Variants in FOXJ3 observed in about 807,000 individuals in gnomAD.
FOXJ3 encodes the protein forkhead box protein J3.
Under a neutral mutation model 76.1 loss-of-function variants are expected in FOXJ3, and 22 were observed. That is an observed-to-expected ratio of 0.29 (90% CI 0.21 to 0.41). The LOEUF (loss-of-function observed/expected upper bound fraction) is 0.41. Ranked by LOEUF, FOXJ3 falls within the 10% of genes least tolerant of loss-of-function variation. The probability of loss-of-function intolerance (pLI) is 1.00; values close to 1 mark genes in which losing one functional copy is unlikely to be tolerated. For missense variants in FOXJ3, 613 were observed against 762.1 expected (o/e 0.80, Z 2.30); for synonymous variants, 269 against 261.2 (o/e 1.03, Z -0.29).
At chr1:42,324,665 G>C (rs1258872835) in intron 1 of FOXJ3, among the ~76,000 whole-genome samples, 4 of 152,082 alleles carry the variant, frequency 2.6e-5, no homozygotes, top group African/African-American at 9.7e-5. Flanking sequence ...CTACAAGCTT[G>C]AATGGCATGT....
chr1:42,210,912 G>A (rs1416735607), intron 5 of FOXJ3, among the ~76,000 whole-genome samples: 1 of 152,142 alleles, frequency 6.6e-6, no homozygotes, highest in Non-Finnish European at 1.5e-5. Context: ...GGCCCTCAGG[G>A]ACTGCTACTC....
At chr1:42,289,535 T>C (rs945225844) in intron 2 of FOXJ3, among the ~76,000 whole-genome samples, 3 of 152,190 alleles carry the variant, frequency 2.0e-5, no homozygotes, top group Non-Finnish European at 4.4e-5. Flanking sequence ...GTCTCCATAG[T>C]GTACAACATA....
intron 3 of FOXJ3, among the ~76,000 whole-genome samples, chr1:42,268,558 GT>G (rs1427613760): frequency 6.6e-6 from 1 of 152,074 alleles, no homozygotes; most frequent in Admixed American, 6.6e-5. Flanking sequence ...TATTCAGACT[GT>G]AAAATATAAA....
At chr1:42,266,098 T>C (rs1394711282) in intron 3 of FOXJ3, among the ~76,000 whole-genome samples, 2 of 152,178 alleles carry the variant, frequency 1.3e-5, no homozygotes, top group East Asian at 3.9e-4. Context: ...TTACTTAGAA[T>C]GGTACCTTCT....
At chr1:42,282,652 G>A (rs563487732) in intron 2 of FOXJ3, among the ~76,000 whole-genome samples, 41 of 152,180 alleles carry the variant, frequency 2.7e-4, no homozygotes, top group African/African-American at 9.6e-4. Context: ...AAATAACATA[G>A]TAACTGGATA....
chr1:42,199,125 C>T lies in FOXJ3; in HGVS notation c.736G>A (p.Gly246Arg). 1 of 1,613,552 alleles carries T rather than the reference C, an allele frequency of 6.2e-7. No individual in the cohort carries two copies. The highest frequency in any genetic ancestry group is 1.1e-5 in the South Asian group (1 of 91,062). The change falls in exon 7 of 13, where the codon GGA (glycine) becomes AGA (arginine). Residue 246 changes from glycine (G) to arginine (R), a missense_variant. Gly to Arg is a moderately radical substitution (Grantham distance 125, BLOSUM62 -2). Around this residue, in one of 3 missense-constraint regions of FOXJ3, gnomAD observed 526 missense variants for 601.4 expected, o/e 0.87. Coordinates refer to ENST00000361346, the MANE Select transcript of FOXJ3 (RefSeq NM_014947.5). The stretch of plus-strand genomic sequence containing the variant: ...ACCGGTGTATAACTATGCACACTTC[C>T]AACACTGTTCAAATTAACAGATGCC... Reference protein sequence around the residue: ...SLASVNLNSVGSVHSYTPVTS... With the variant: ...SLASVNLNSVRSVHSYTPVTS...
chr1:42,184,015 G>GA (rs1646382789), intron 11 of FOXJ3, among the ~76,000 whole-genome samples: 1 of 152,022 alleles, frequency 6.6e-6, no homozygotes, highest in Non-Finnish European at 1.5e-5. Flanking sequence ...GATTTAGAAA[G>GA]AAAAAAGAGG....
At chr1:42,211,453 C>T (rs150567977) in intron 5 of FOXJ3, among the ~76,000 whole-genome samples, 5 of 152,086 alleles carry the variant, frequency 3.3e-5, no homozygotes, top group South Asian at 2.1e-4. Context: ...TGGTGGTTTC[C>T]TTCCTTCCCC....
At chr1:42,220,218 T>G (rs1016492253) in intron 5 of FOXJ3, among the ~76,000 whole-genome samples, 3 of 152,194 alleles carry the variant, frequency 2.0e-5, no homozygotes, top group African/African-American at 7.2e-5. Context: ...TTAGGCACAC[T>G]AAGCAGTGAC....
At position 42,316,133 on chromosome 1, in the gene FOXJ3, G is replaced by C. The variant is rs556545093; in HGVS notation, c.-17-5023C>G. On this transcript the variant is annotated intron_variant, in intron 1 of 12. Coordinates refer to ENST00000361346, the MANE Select transcript of FOXJ3 (RefSeq NM_014947.5). The stretch of plus-strand genomic sequence containing the variant: ...AACATATTATCTGGGGGCATGGAGT[G>C]AAATAGAACTAAGTATTTTGAAAAA... 1.2e-4 allele frequency among the ~76,000 whole-genome samples: 19 copies of C among 152,228 alleles called. No individual in the cohort carries two copies. In the South Asian group the frequency reaches 3.9e-3, roughly 32 times the overall value.
chr1:42,205,806 C>T lies in FOXJ3; in HGVS notation c.586G>A (p.Gly196Arg). ...DSLGMECIIS[G>R]SASPTLAINT... ...ATTGCCAGAGTTGGAGAGGCACTTC[C>T]CGAAATAATACACTCCATTCCCAAA... is the stretch of plus-strand genomic sequence containing the variant. Residue 196 changes from glycine (G) to arginine (R), a missense_variant, in exon 6 of 13, where the codon GGA (glycine) becomes AGA (arginine). Gly to Arg is a moderately radical substitution (Grantham distance 125, BLOSUM62 -2). Coordinates refer to ENST00000361346, the MANE Select transcript of FOXJ3 (RefSeq NM_014947.5). 6.2e-7 allele frequency: 1 copy of T among 1,612,248 alleles called. No individual in the cohort carries two copies. The highest frequency in any genetic ancestry group is 8.5e-7 in the Non-Finnish European group (1 of 1,178,510).
intron 1 of FOXJ3, among the ~76,000 whole-genome samples, chr1:42,328,250 T>C (rs994351414): frequency 3.3e-5 from 5 of 152,202 alleles, no homozygotes; most frequent in African/African-American, 1.2e-4. Flanking sequence ...TGAGCTCTCA[T>C]GGAGTCACTA....
intron 2 of FOXJ3, among the ~76,000 whole-genome samples, chr1:42,298,375 A>G (rs1653921192): frequency 6.6e-6 from 1 of 152,052 alleles, no homozygotes; most frequent in African/African-American, 2.4e-5. Flanking sequence ...CAGGATTCAC[A>G]TTTCTTCCTG....
chr1:42,267,338 C>T (rs1372279516), intron 3 of FOXJ3, among the ~76,000 whole-genome samples: 1 of 152,076 alleles, frequency 6.6e-6, no homozygotes, highest in Non-Finnish European at 1.5e-5. Context: ...AAAAATCCTA[C>T]CGCACCCTCT....
intron 5 of FOXJ3, among the ~76,000 whole-genome samples, chr1:42,211,797 A>G (rs925803038): frequency 2.6e-5 from 4 of 152,226 alleles, no homozygotes; most frequent in Non-Finnish European, 4.4e-5. Context: ...CTCTGTAACC[A>G]AGAAACTCAT....
At chr1:42,247,891 T>C (rs559640592) in intron 4 of FOXJ3, among the ~76,000 whole-genome samples, 199 of 152,318 alleles carry the variant, frequency 1.3e-3, no homozygotes, top group African/African-American at 4.4e-3. Flanking sequence ...ACAATTGTGG[T>C]ATAGCTATCC....
At chr1:42,238,885 C>A (rs1395304559) in intron 4 of FOXJ3, among the ~76,000 whole-genome samples, 1 of 152,164 alleles carries the variant, frequency 6.6e-6, no homozygotes, top group Non-Finnish European at 1.5e-5. Flanking sequence ...TATAAATCTA[C>A]CTGGGGAGGA....
At position 42,179,607 on chromosome 1, in the gene FOXJ3, A is replaced by T; in HGVS notation, c.*103T>A. ...CAAAAGTAATTTTGATAACATTGGTAAAGTGATTAGCAAGTTTGTTTTCTC... is the reference window on the plus strand; with the variant it reads ...CAAAAGTAATTTTGATAACATTGGTTAAGTGATTAGCAAGTTTGTTTTCTC... On this transcript the variant is annotated 3_prime_UTR_variant, in exon 13 of 13. Transcript: ENST00000361346. The T allele has an allele frequency of 1.4e-6, 1 of 698,024 alleles. No homozygotes were observed. Among genetic ancestry groups the T allele is most frequent in the Non-Finnish European group, 2.5e-6 (1 of 392,878 alleles). The allele number at this position is 698,024 out of a possible 1,614,324, so 43.2% of individuals were successfully genotyped here.
chr1:42,201,374 C>T (rs1646761917), intron 6 of FOXJ3, among the ~76,000 whole-genome samples: 1 of 152,144 alleles, frequency 6.6e-6, no homozygotes, highest in Admixed American at 6.5e-5. Flanking sequence ...TTGCTATATG[C>T]TTCTTTGTAG....
Sources: allele counts gnomAD v4.1 joint callset (sites outside exome capture counted in the v4.1 genomes callset), GRCh38; gene constraint gnomAD v4.1.1; regional missense constraint gnomAD v4.1.1; transcripts MANE v1.5; gene names NCBI Gene and HGNC (gene_info 2026-07-23, HGNC 2026-07-21).